Variants in PYHIN1 observed in about 807,000 individuals in gnomAD.
The protein encoded by PYHIN1 is pyrin and HIN domain family member 1, also known as pyrin and HIN domain-containing protein 1.
In PYHIN1, 32 loss-of-function variants were observed where a neutral mutation model predicts 43.7. That is an observed-to-expected ratio of 0.73 (90% CI 0.55 to 0.98). PYHIN1 has a LOEUF of 0.98. PYHIN1 is among the 50% of genes least tolerant of loss of function. The pLI is 0.00. For missense variants in PYHIN1, 588 were observed against 589.5 expected, an observed-to-expected ratio of 1.00 and a Z score of 0.03; for synonymous variants, 205 against 203.1, an observed-to-expected ratio of 1.01 and a Z score of -0.08.
chr1:158,944,999 C>T lies in PYHIN1; in HGVS notation c.1316C>T (p.Pro439Leu). Residue 439 changes from proline (P) to leucine (L), a missense_variant, in exon 7 of 9, where the codon CCT becomes CTT. Pro to Leu is a moderately conservative substitution (Grantham distance 98). Transcript: ENST00000368140. ...TTLPESHLKT[P>L]QMPPTTPSSS... Reference sequence around the variant, plus strand: ...CTACCTGAAAGCCATCTCAAGACTCCTCAGATGCCACCAACAACCCCATCC... The same window carrying T: ...CTACCTGAAAGCCATCTCAAGACTCTTCAGATGCCACCAACAACCCCATCC... 1.9e-6 allele frequency: 3 copies of T among 1,613,856 alleles called. No individual in the cohort carries two copies. The highest frequency in any genetic ancestry group is 2.2e-5 in the South Asian group (2 of 91,050).
chr1:158,935,229 A>G (rs143924280), intron 1 of PYHIN1, among the ~76,000 whole-genome samples: 1 of 152,178 alleles, frequency 6.6e-6, no homozygotes, highest in African/African-American at 2.4e-5. Context: ...TAGCAAAGTC[A>G]TGAAGCATGA....
intron 1 of PYHIN1, among the ~76,000 whole-genome samples, chr1:158,936,568 G>T (rs560534416): frequency 1.0e-3 from 152 of 152,090 alleles, no homozygotes; most frequent in African/African-American, 3.5e-3. Context: ...ACGTAATCCA[G>T]CATATAAACA....
In PYHIN1 at chr1:158,937,184, G is replaced by C; in HGVS notation, c.265+9G>C. On this transcript the variant is annotated intron_variant, in intron 2 of 8. Transcript: ENST00000368140. ...AAGAGAAAAGTTAAAAGGTAATTGGGAAGAGGGAACACCCACTCCCTGCAA... is the reference window on the plus strand; with the variant it reads ...AAGAGAAAAGTTAAAAGGTAATTGGCAAGAGGGAACACCCACTCCCTGCAA... 1 of 1,563,918 alleles carries C rather than the reference G, an allele frequency of 6.4e-7. No homozygotes were observed.
At chr1:158,946,330 G>A (rs1158349917) in intron 7 of PYHIN1, among the ~76,000 whole-genome samples, 3 of 152,114 alleles carry the variant, frequency 2.0e-5, no homozygotes, top group Non-Finnish European at 2.9e-5. Flanking sequence ...AAAAAAATCA[G>A]TGAAAATAGA....
intron 1 of PYHIN1, among the ~76,000 whole-genome samples, chr1:158,934,527 G>A (rs1456049243): frequency 1.3e-5 from 2 of 151,664 alleles, no homozygotes; most frequent in Non-Finnish European, 2.9e-5. Flanking sequence ...GGCTTATGGA[G>A]TATTTATTTG....
At chr1:158,932,099 A>G (rs941634783) in intron 1 of PYHIN1, among the ~76,000 whole-genome samples, 1 of 152,222 alleles carries the variant, frequency 6.6e-6, no homozygotes, top group African/African-American at 2.4e-5. Context: ...GGTCTGGGCA[A>G]AAGACAAGAT....
chr1:158,986,128 A>T, the PYHIN1 span, among the ~76,000 whole-genome samples: 1 of 152,124 alleles, frequency 6.6e-6, no homozygotes, highest in Non-Finnish European at 1.5e-5. Context: ...CTTCATTGCC[A>T]TCTAGACTTT....
chr1:158,964,379 C>G (rs891474699), intron 7 of PYHIN1, among the ~76,000 whole-genome samples: 1 of 152,034 alleles, frequency 6.6e-6, no homozygotes, highest in East Asian at 1.9e-4. Flanking sequence ...ATAGAGAAAT[C>G]CTGTGAGATA....
intron 7 of PYHIN1, among the ~76,000 whole-genome samples, chr1:158,952,232 G>C (rs1012092817): frequency 6.6e-6 from 1 of 151,196 alleles, no homozygotes; most frequent in Non-Finnish European, 1.5e-5. Context: ...GCTTCCTGTC[G>C]CAGCAGCTGT....
the PYHIN1 span, among the ~76,000 whole-genome samples, chr1:158,989,088 A>C: frequency 6.6e-6 from 1 of 152,200 alleles, no homozygotes; most frequent in Non-Finnish European, 1.5e-5. Flanking sequence ...CTTCCCTTTT[A>C]AAATGGAAAT....
intron 1 of PYHIN1, among the ~76,000 whole-genome samples, chr1:158,935,451 A>G (rs1020162590): frequency 6.6e-6 from 1 of 152,224 alleles, no homozygotes; most frequent in Non-Finnish European, 1.5e-5. Context: ...TGAAATGAAA[A>G]TGAATTAGAC....
downstream of PYHIN1, among the ~76,000 whole-genome samples, chr1:158,980,116 G>T (rs1651437732): frequency 6.6e-6 from 1 of 152,178 alleles, no homozygotes; most frequent in Non-Finnish European, 1.5e-5. Context: ...AGCCACAGCA[G>T]AGGAACATAA....
intron 7 of PYHIN1, among the ~76,000 whole-genome samples, chr1:158,966,687 C>A (rs966870376): frequency 1.3e-5 from 2 of 151,934 alleles, no homozygotes; most frequent in Admixed American, 1.3e-4. Flanking sequence ...ACCCTAAATA[C>A]TCTAGACATT....
chr1:158,974,721 G>A (rs1616270), intron 8 of PYHIN1, among the ~76,000 whole-genome samples: 139,536 of 152,054 alleles, frequency 0.92, 65,236 homozygotes, highest in East Asian at 1. Context: ...TGTTTTTGTT[G>A]TTTTTGATAA....
chr1:158,937,178 A>G lies in PYHIN1; in HGVS notation c.265+3A>G. ...TCTTAAAAGAGAAAAGTTAAAAGGT[A>G]ATTGGGAAGAGGGAACACCCACTCC... is the stretch of plus-strand genomic sequence containing the variant. On this transcript the variant is annotated splice_donor_region_variant and intron_variant, in intron 2 of 8. Transcript: ENST00000368140. 1 of 1,568,866 alleles carries G rather than the reference A, an allele frequency of 6.4e-7. No individual in the cohort carries two copies. The highest frequency in any genetic ancestry group is 1.9e-5 in the Admixed American group (1 of 53,600).
intron 7 of PYHIN1, among the ~76,000 whole-genome samples, chr1:158,945,732 A>C (rs771199710): frequency 3.9e-5 from 6 of 152,214 alleles, no homozygotes; most frequent in Non-Finnish European, 7.3e-5. Context: ...AGTGTAGCAC[A>C]TGATATATTT....
At chr1:158,944,745 A>T in intron 6 of PYHIN1, 130 bp from the exon 7 acceptor site, 2 of 627,688 alleles carry the variant, frequency 3.2e-6, no homozygotes, top group Non-Finnish European at 4.9e-6. Flanking sequence ...GGAATACATT[A>T]GATAGAGGCA....
chr1:158,959,051 T>G (rs1333633951), intron 7 of PYHIN1, among the ~76,000 whole-genome samples: 1 of 151,252 alleles, frequency 6.6e-6, no homozygotes, highest in African/African-American at 2.4e-5. Flanking sequence ...AAGCGGGCAC[T>G]AATGACTTAC....
At chr1:158,939,400 C>T (rs1648768844) in intron 4 of PYHIN1, 153 bp downstream of exon 4, 3 of 1,570,448 alleles carry the variant, frequency 1.9e-6, no homozygotes, top group Admixed American at 1.9e-5. Context: ...TTTGCTTCCA[C>T]AGGCATATTT....
Sources: allele counts gnomAD v4.1 joint callset (sites outside exome capture counted in the v4.1 genomes callset), GRCh38; gene constraint gnomAD v4.1.1; transcripts MANE v1.5; gene names NCBI Gene and HGNC (gene_info 2026-07-23, HGNC 2026-07-21).